ARHGAP22: variants seen among roughly 807,000 people sequenced by gnomAD.
ARHGAP22 encodes rho GTPase-activating protein 22.
Under a neutral mutation model 59.1 loss-of-function variants are expected in ARHGAP22, and 48 were observed. The ratio of observed to expected loss-of-function variants is 0.81; its 90% CI spans 0.64 to 1.03. The LOEUF (loss-of-function observed/expected upper bound fraction) is 1.03, where lower values mean the gene tolerates loss of function less well. Ranked by LOEUF, ARHGAP22 falls within the 50% of genes least tolerant of loss-of-function variation. ARHGAP22 has a pLI of 0.00. For missense variants in ARHGAP22, 1,015 were observed against 958.7 expected, an observed-to-expected ratio of 1.06 and a Z score of -0.78; for synonymous variants, 445 against 416.4, an observed-to-expected ratio of 1.07 and a Z score of -0.84.
At chr10:48,611,807 TCTTCCCTTCCCTTCCCTTCC>T (rs373589786) in intron 1 of ARHGAP22, among the ~76,000 whole-genome samples, 6 of 35,296 alleles carry the variant, frequency 1.7e-4, no homozygotes, top group East Asian at 9.4e-4. Context: ...CCTTCCCTTC[TCTTCCCTTCCCTTCCCTTCC>T]CTTCCCTTCC....
chr10:48,646,864 A>C (rs1288375698), intron 1 of ARHGAP22, among the ~76,000 whole-genome samples: 1 of 152,206 alleles, frequency 6.6e-6, no homozygotes, highest in African/African-American at 2.4e-5. Flanking sequence ...TGATTCATAA[A>C]AGAAAAGATA....
intron 3 of ARHGAP22, among the ~76,000 whole-genome samples, chr10:48,497,452 T>C (rs370495872): frequency 6.6e-6 from 1 of 152,152 alleles, no homozygotes; most frequent in Non-Finnish European, 1.5e-5. Flanking sequence ...TTGCCATAAA[T>C]GCAGAGAGAA....
At chr10:48,436,631 A>T in the ARHGAP22 span, 1 of 152,220 alleles carries the variant, frequency 6.6e-6, no homozygotes, top group African/African-American at 2.4e-5. Flanking sequence ...TTTGCTTGGC[A>T]TTTTATTCAT....
chr10:48,574,091 C>T (rs1274124215), intron 2 of ARHGAP22, among the ~76,000 whole-genome samples: 2 of 152,198 alleles, frequency 1.3e-5, no homozygotes, highest in Non-Finnish European at 2.9e-5. Context: ...CCTTGTTGGG[C>T]TTACAGTCTG....
intron 9 of ARHGAP22, among the ~76,000 whole-genome samples, chr10:48,447,303 G>A (rs1422383215): frequency 1.3e-5 from 2 of 152,188 alleles, no homozygotes; most frequent in African/African-American, 4.8e-5. Flanking sequence ...TTTCCGAAGG[G>A]ACACACCTGA....
intron 4 of ARHGAP22, among the ~76,000 whole-genome samples, chr10:48,470,590 A>G (rs754461330): frequency 6.6e-6 from 1 of 152,224 alleles, no homozygotes; most frequent in Non-Finnish European, 1.5e-5. Flanking sequence ...ACAGGATCCA[A>G]GGTCCATAGG....
At chr10:48,593,015 G>A (rs190971571) in intron 1 of ARHGAP22, among the ~76,000 whole-genome samples, 4 of 152,302 alleles carry the variant, frequency 2.6e-5, no homozygotes, top group Admixed American at 2.0e-4. Flanking sequence ...CGGCCTCTCG[G>A]CCTCCTTTAT....
At chr10:48,456,510 G>T (rs2046527553) in intron 5 of ARHGAP22, among the ~76,000 whole-genome samples, 2 of 152,150 alleles carry the variant, frequency 1.3e-5, no homozygotes, top group Admixed American at 1.3e-4. Context: ...GGGTACCCAG[G>T]CTTGAGCCCA....
chr10:48,584,275 T>C (rs996144837), intron 1 of ARHGAP22, among the ~76,000 whole-genome samples: 10 of 152,254 alleles, frequency 6.6e-5, no homozygotes, highest in African/African-American at 2.4e-4. Flanking sequence ...CACTAGTGAC[T>C]GCAGTTCTCT....
At chr10:48,523,690 C>T (rs1446453030) in intron 3 of ARHGAP22, among the ~76,000 whole-genome samples, 2 of 151,954 alleles carry the variant, frequency 1.3e-5, no homozygotes, top group African/African-American at 2.4e-5. Context: ...GTCTGGGCGC[C>T]GGGGGTTCCT....
At chr10:48,625,697 C>CACAA (rs2061426183) in intron 1 of ARHGAP22, among the ~76,000 whole-genome samples, 1 of 78,096 alleles carries the variant, frequency 1.3e-5, no homozygotes, top group Non-Finnish European at 2.5e-5. Context: ...AACGTGTACA[C>CACAA]ACACACACAC....
intron 3 of ARHGAP22, among the ~76,000 whole-genome samples, chr10:48,506,704 C>T (rs1476600652): frequency 1.3e-5 from 2 of 152,142 alleles, no homozygotes; most frequent in African/African-American, 4.8e-5. Flanking sequence ...ACCAAGGCAG[C>T]CACTCTCACT....
intron 3 of ARHGAP22, among the ~76,000 whole-genome samples, chr10:48,485,557 CT>C (rs1431216183): frequency 2.0e-5 from 3 of 152,172 alleles, no homozygotes; most frequent in Non-Finnish European, 4.4e-5. Context: ...ACTGATTTTT[CT>C]GTCTACTTCT....
At chr10:48,451,709 A>G (rs1234496295) in intron 8 of ARHGAP22, 1 of 557,822 alleles carries the variant, frequency 1.8e-6, no homozygotes, top group East Asian at 3.0e-5. Flanking sequence ...ATCCACCCCC[A>G]AAGTCCCACA....
chr10:48,493,593 C>A, intron 3 of ARHGAP22: 1 of 1,482,670 alleles, frequency 6.7e-7, no homozygotes, highest in Non-Finnish European at 9.0e-7. Flanking sequence ...CACTGCAGGG[C>A]TGCGGCCACT....
At chr10:48,624,622 T>C (rs868357663) in intron 1 of ARHGAP22, among the ~76,000 whole-genome samples, 1 of 152,232 alleles carries the variant, frequency 6.6e-6, no homozygotes, top group African/African-American at 2.4e-5. Context: ...TTTTCTCTTT[T>C]GGAAATTGCA....
the ARHGAP22 span, chr10:48,438,010 T>C: frequency 2.6e-5 from 4 of 152,258 alleles, no homozygotes; most frequent in Non-Finnish European, 5.9e-5. Context: ...GTTTACACTA[T>C]TGGCCAGTAT....
rs373498861 is a variant in ARHGAP22 at position 48,599,151 on chromosome 10, C to T, written c.34+5612G>A. On this transcript the variant is annotated intron_variant, in intron 1 of 9. Transcript: ENST00000249601. ...AGTTCCAACAGGGCTCCAAGCCACA[C>T]GGGATGTGACATTCTAAAGTGAGGG... 5.3e-5 allele frequency among the ~76,000 whole-genome samples: 8 copies of T among 152,272 alleles called. No homozygotes were observed. The East Asian group carries it at 7.7e-4, about 15-fold the overall frequency.
At chr10:48,647,076 T>G (rs530310922) in intron 1 of ARHGAP22, among the ~76,000 whole-genome samples, 1 of 152,176 alleles carries the variant, frequency 6.6e-6, no homozygotes, top group East Asian at 1.9e-4. Context: ...GGCAAAAAAT[T>G]TAAATAGGCA....
Sources: allele counts gnomAD v4.1 joint callset (sites outside exome capture counted in the v4.1 genomes callset), GRCh38; gene constraint gnomAD v4.1.1; transcripts MANE v1.5; gene names NCBI Gene and HGNC (gene_info 2026-07-23, HGNC 2026-07-21).